RPS6KC1: variants seen among roughly 807,000 people sequenced by gnomAD.
RPS6KC1 encodes ribosomal protein S6 kinase C1, also known as inactive ribosomal protein S6 kinase delta-1.
Under a neutral mutation model 103.8 loss-of-function variants are expected in RPS6KC1, and 54 were observed. The ratio of observed to expected loss-of-function variants is 0.52; its 90% CI spans 0.42 to 0.65. The LOEUF (loss-of-function observed/expected upper bound fraction) is 0.65. Among genes scored for constraint, RPS6KC1 ranks in the 30% least tolerant of loss-of-function variants. The pLI is 0.00. For synonymous variants in RPS6KC1, 439 were observed against 438.7 expected (o/e 1.00, Z -0.01); for missense variants, 1,151 against 1,253.8 (o/e 0.92, Z 1.24).
intron 4 of RPS6KC1, among the ~76,000 whole-genome samples, chr1:213,108,459 A>G (rs999213026): frequency 2.0e-5 from 3 of 152,158 alleles, no homozygotes; most frequent in Admixed American, 6.5e-5. Context: ...GTCTTATCCT[A>G]GAACCATACT....
At chr1:213,157,408 C>A (rs779571143) in intron 6 of RPS6KC1, among the ~76,000 whole-genome samples, 1 of 151,932 alleles carries the variant, frequency 6.6e-6, no homozygotes, top group Non-Finnish European at 1.5e-5. Context: ...GGGGTTTCAC[C>A]GTGTTAGCCA....
At chr1:213,606,537 G>A in the RPS6KC1 span, among the ~76,000 whole-genome samples, 7 of 152,166 alleles carry the variant, frequency 4.6e-5, no homozygotes, top group South Asian at 2.1e-4. Flanking sequence ...ATTGTTTTCC[G>A]GTAAAGGAGG....
At chr1:213,850,215 A>G in the RPS6KC1 span, among the ~76,000 whole-genome samples, 3 of 152,198 alleles carry the variant, frequency 2.0e-5, no homozygotes, top group Admixed American at 6.5e-5. Flanking sequence ...ACTTTTAAGT[A>G]TGATGTTGGC....
At chr1:213,584,950 AT>A in the RPS6KC1 span, among the ~76,000 whole-genome samples, 2 of 152,130 alleles carry the variant, frequency 1.3e-5, no homozygotes, top group South Asian at 2.1e-4. Context: ...GAAAGTGGGT[AT>A]TTTTTTACTC....
At chr1:213,463,812 C>T in the RPS6KC1 span, among the ~76,000 whole-genome samples, 3 of 152,166 alleles carry the variant, frequency 2.0e-5, no homozygotes, top group African/African-American at 7.2e-5. Flanking sequence ...TTTCCTCTAT[C>T]CAGTGATCTG....
chr1:213,810,624 A>G, the RPS6KC1 span, among the ~76,000 whole-genome samples: 1 of 152,238 alleles, frequency 6.6e-6, no homozygotes, highest in Non-Finnish European at 1.5e-5. Flanking sequence ...GACTGCGTAA[A>G]GAAACAAACA....
the RPS6KC1 span, among the ~76,000 whole-genome samples, chr1:213,710,213 T>C: frequency 6.6e-6 from 1 of 152,244 alleles, no homozygotes; most frequent in Non-Finnish European, 1.5e-5. Context: ...ATTGGGTGCA[T>C]ATATATTTAG....
chr1:213,732,484 A>G, the RPS6KC1 span, among the ~76,000 whole-genome samples: 3 of 152,216 alleles, frequency 2.0e-5, no homozygotes, highest in Non-Finnish European at 2.9e-5. Flanking sequence ...AAGGCAGGCA[A>G]TAACTTACCT....
the RPS6KC1 span, among the ~76,000 whole-genome samples, chr1:213,805,174 C>A: frequency 6.6e-6 from 1 of 152,222 alleles, no homozygotes; most frequent in Non-Finnish European, 1.5e-5. Flanking sequence ...TTGATGACTG[C>A]TGACTGATCA....
chr1:213,444,920 A>G, the RPS6KC1 span, among the ~76,000 whole-genome samples: 1 of 152,138 alleles, frequency 6.6e-6, no homozygotes, highest in East Asian at 1.9e-4. Flanking sequence ...TCGTTTATTC[A>G]CAGTTATGCA....
intron 3 of RPS6KC1, among the ~76,000 whole-genome samples, chr1:213,082,899 C>A (rs1214881818): frequency 6.6e-6 from 1 of 152,078 alleles, no homozygotes; most frequent in Non-Finnish European, 1.5e-5. Context: ...TCAGTCAGAC[C>A]AAATGCTCTC....
At position 213,261,540 on chromosome 1, in the gene RPS6KC1, CT is replaced by C. The variant is rs1558653228; in HGVS notation, c.2912-12del. The C allele has an allele frequency of 1.9e-6, 3 of 1,609,454 alleles. No homozygotes were observed. Among genetic ancestry groups the C allele is most frequent in the Admixed American group, 3.4e-5 (2 of 59,524 alleles). ...TGACCTTTGGAATTTTAATATCAAC[CT>C]TTTTTGGTGTGGTTAGAGGTTGGAG... On this transcript the variant is annotated splice_polypyrimidine_tract_variant and intron_variant, in intron 12 of 14. Coordinates refer to ENST00000366960, the MANE Select transcript of RPS6KC1 (RefSeq NM_012424.6).
At chr1:213,417,727 A>C in the RPS6KC1 span, among the ~76,000 whole-genome samples, 1 of 152,186 alleles carries the variant, frequency 6.6e-6, no homozygotes, top group Non-Finnish European at 1.5e-5. Flanking sequence ...TCATTCAGCC[A>C]GGACTAGGGA....
At chr1:213,505,094 C>T in the RPS6KC1 span, among the ~76,000 whole-genome samples, 1 of 152,130 alleles carries the variant, frequency 6.6e-6, no homozygotes, top group African/African-American at 2.4e-5. Flanking sequence ...CTTCGTTTCC[C>T]TTCACCCTGT....
the RPS6KC1 span, among the ~76,000 whole-genome samples, chr1:213,766,743 G>A: frequency 6.6e-6 from 1 of 151,916 alleles, no homozygotes; most frequent in African/African-American, 2.4e-5. Context: ...GATTACTCCT[G>A]TTCCTACCTC....
chr1:213,808,135 A>C, the RPS6KC1 span, among the ~76,000 whole-genome samples: 35 of 152,028 alleles, frequency 2.3e-4, no homozygotes, highest in African/African-American at 8.2e-4. Context: ...GTTCCTCTGG[A>C]AGTTTTGTCT....
chr1:213,490,223 TG>T, the RPS6KC1 span, among the ~76,000 whole-genome samples: 1 of 152,326 alleles, frequency 6.6e-6, no homozygotes, highest in African/African-American at 2.4e-5. Flanking sequence ...TTTCCATTAA[TG>T]TCCTATTGAA....
intron 3 of RPS6KC1, among the ~76,000 whole-genome samples, chr1:213,093,870 C>T (rs2081211447): frequency 1.3e-5 from 2 of 151,966 alleles, no homozygotes; most frequent in African/African-American, 4.8e-5. Context: ...TCTAACATAC[C>T]TTACTCTCTT....
chr1:213,221,899 C>T lies in RPS6KC1; in HGVS notation c.1045-8598C>T, dbSNP rs556076409. On this transcript the variant is annotated intron_variant, in intron 8 of 14. Transcript: ENST00000366960. ...TAAGAAGAGATGTGGATTTTAAGTA[C>T]AATCTTCATATAATTCTGGTAGATT... 7.2e-5 allele frequency among the ~76,000 whole-genome samples: 11 copies of T among 152,276 alleles called. No individual in the cohort carries two copies. In the South Asian group the frequency reaches 1.9e-3, roughly 26 times the overall value.
Sources: allele counts gnomAD v4.1 joint callset (sites outside exome capture counted in the v4.1 genomes callset), GRCh38; gene constraint gnomAD v4.1.1; transcripts MANE v1.5; gene names NCBI Gene and HGNC (gene_info 2026-07-23, HGNC 2026-07-21).